The following SLC35A3 variants were observed in gnomAD, a reference collection of about 807,000 sequenced individuals.
SLC35A3 encodes the protein UDP-N-acetylglucosamine transporter.
Under a neutral mutation model 39.0 loss-of-function variants are expected in SLC35A3, and 26 were observed. The ratio of observed to expected loss-of-function variants is 0.67; its 90% CI spans 0.49 to 0.92. The LOEUF is 0.92. Ranked by LOEUF, SLC35A3 falls within the 40% of genes least tolerant of loss-of-function variation. The pLI is 0.00. For missense variants in SLC35A3, 299 were observed against 371.6 expected, an observed-to-expected ratio of 0.80 and a Z score of 1.61; for synonymous variants, 135 against 133.1, an observed-to-expected ratio of 1.01 and a Z score of -0.10.
At chr1:99,983,174 G>A (rs1166388266) in intron 1 of SLC35A3, among the ~76,000 whole-genome samples, 1 of 152,112 alleles carries the variant, frequency 6.6e-6, no homozygotes, top group Non-Finnish European at 1.5e-5. Flanking sequence ...AGAATTGTGT[G>A]TGTGTGGGTG....
At position 100,027,818 on chromosome 1, in the gene SLC35A3, CT is replaced by C. The variant is rs1459660410; in HGVS notation, c.*5343del. 7.3e-5 allele frequency: 11 copies of C among 151,720 alleles called. No homozygotes were observed. Among genetic ancestry groups the C allele is most frequent in the African/African-American group, 2.7e-4 (11 of 41,296 alleles). The allele number at this position is 151,720 out of a possible 1,614,324, so 9.4% of individuals were successfully genotyped here. On this transcript the variant is annotated 3_prime_UTR_variant, in exon 8 of 8. Coordinates refer to ENST00000533028, the MANE Select transcript of SLC35A3 (RefSeq NM_012243.3). ...GGCAACCTCTCATGAAAAGCACTAACTAAAAATATTTAATAATCTTTTTTGT... is the reference window on the plus strand; with the variant it reads ...GGCAACCTCTCATGAAAAGCACTAACAAAAATATTTAATAATCTTTTTTGT...
chr1:100,013,348 C>T (rs775683276), intron 5 of SLC35A3, among the ~76,000 whole-genome samples: 1 of 150,388 alleles, frequency 6.6e-6, no homozygotes, highest in Non-Finnish European at 1.5e-5. Context: ...TACAGTGGCT[C>T]ACGCCTGTAA....
Position 100,029,368 on chromosome 1 carries a change from C to G in SLC35A3, c.*6892C>G, listed in dbSNP as rs910945831. On this transcript the variant is annotated 3_prime_UTR_variant, in exon 8 of 8. Coordinates refer to ENST00000533028, the MANE Select transcript of SLC35A3 (RefSeq NM_012243.3). ...AAGACCATTCATCTCTATACACTTC[C>G]TTCTGAATTGATGAGGATGATACAA... 2.6e-5 allele frequency: 4 copies of G among 151,992 alleles called. No homozygotes were observed. Among genetic ancestry groups the G allele is most frequent in the African/African-American group, 9.7e-5 (4 of 41,350 alleles). 9.4% of individuals were successfully genotyped at this position (151,992 alleles called of 1,614,324 possible).
At chr1:99,993,847 T>G in intron 2 of SLC35A3, 106 bp downstream of exon 2, 1 of 933,666 alleles carries the variant, frequency 1.1e-6, no homozygotes, top group Non-Finnish European at 1.6e-6. Flanking sequence ...TGGCCTAGTA[T>G]GAAGAATATT....
At chr1:99,996,261 G>A (rs772240519) in intron 2 of SLC35A3, among the ~76,000 whole-genome samples, 5 of 152,128 alleles carry the variant, frequency 3.3e-5, no homozygotes, top group African/African-American at 1.2e-4. Flanking sequence ...ATCAAGTCAA[G>A]TAAGAAGGCA....
chr1:99,986,668 C>A (rs1244428108), intron 1 of SLC35A3, among the ~76,000 whole-genome samples: 1 of 151,996 alleles, frequency 6.6e-6, no homozygotes, highest in African/African-American at 2.4e-5. Flanking sequence ...TGGCTCACTG[C>A]AGCTTTGACT....
intron 7 of SLC35A3, among the ~76,000 whole-genome samples, chr1:100,018,119 A>G (rs1159553156): frequency 6.6e-6 from 1 of 152,216 alleles, no homozygotes; most frequent in Non-Finnish European, 1.5e-5. Flanking sequence ...TAAGTCATGT[A>G]ATGACATTTT....
chr1:99,979,437 T>C (rs939151370), intron 1 of SLC35A3, among the ~76,000 whole-genome samples: 1 of 150,976 alleles, frequency 6.6e-6, no homozygotes, highest in Non-Finnish European at 1.5e-5. Context: ...TTTCTTTTTT[T>C]TTTTTTTTTT....
intron 1 of SLC35A3, among the ~76,000 whole-genome samples, chr1:99,982,003 CTTTT>C (rs549298454): frequency 4.0e-5 from 5 of 125,828 alleles, no homozygotes; most frequent in Admixed American, 8.1e-5. Context: ...AGGATGTATT[CTTTT>C]TTTTTTTTTT....
At chr1:100,015,201 A>G (rs567370198) in intron 5 of SLC35A3, 101 bp from the exon 6 acceptor site, 1 of 1,176,190 alleles carries the variant, frequency 8.5e-7, no homozygotes, top group Admixed American at 3.2e-5. Context: ...TTTTATCAAA[A>G]AGAAAAAGTT....
rs1660739728 is a variant in SLC35A3 at position 100,024,232 on chromosome 1, T to C, written c.*1756T>C. The C allele has an allele frequency of 6.6e-6, 1 of 152,110 alleles. No homozygotes were observed. Among genetic ancestry groups the C allele is most frequent in the Non-Finnish European group, 1.5e-5 (1 of 68,014 alleles). 9.4% of individuals were successfully genotyped at this position (152,110 alleles called of 1,614,324 possible). ...ATGGGTTTAATTTAATTATTAACTA[T>C]AGACAGAATTACTTACTGAGTATAA... On this transcript the variant is annotated 3_prime_UTR_variant, in exon 8 of 8. Transcript: ENST00000533028.
chr1:99,971,532 C>T lies in SLC35A3; in HGVS notation c.-19+1370C>T, dbSNP rs920326806. Reference sequence around the variant, plus strand: ...CCATGTTAGCCAGGATGGTCTCGATCTCCTGACCTCGTGATCCACCCACCT... The same window carrying T: ...CCATGTTAGCCAGGATGGTCTCGATTTCCTGACCTCGTGATCCACCCACCT... On this transcript the variant is annotated intron_variant, in intron 1 of 7. Transcript: ENST00000533028. Among the ~76,000 whole-genome samples, 6 of 152,160 alleles carry T rather than the reference C, an allele frequency of 3.9e-5. 1 individual carries two copies. Among genetic ancestry groups the T allele is most frequent in the Admixed American group, 2.6e-4 (4 of 15,284 alleles).
chr1:100,001,171 G>A (rs763767661), intron 3 of SLC35A3, among the ~76,000 whole-genome samples: 6 of 151,968 alleles, frequency 3.9e-5, no homozygotes, highest in Non-Finnish European at 5.9e-5. Flanking sequence ...TTTGCTCAGG[G>A]TTGCTTTGGC....
At chr1:100,020,128 A>C (rs1660434505) in intron 7 of SLC35A3, among the ~76,000 whole-genome samples, 1 of 152,222 alleles carries the variant, frequency 6.6e-6, no homozygotes, top group Middle Eastern at 3.2e-3. Flanking sequence ...GGAAGTATAC[A>C]TACAATAATT....
chr1:100,011,082 A>C (rs1659596324), intron 4 of SLC35A3, among the ~76,000 whole-genome samples: 1 of 152,182 alleles, frequency 6.6e-6, no homozygotes, highest in South Asian at 2.1e-4. Context: ...AATAAATTAA[A>C]CTTTAAGGAA....
chr1:99,972,628 G>A (rs899960246), intron 1 of SLC35A3, among the ~76,000 whole-genome samples: 4 of 151,974 alleles, frequency 2.6e-5, no homozygotes, highest in Admixed American at 1.3e-4. Context: ...GAGCCACCGC[G>A]CCCAGCCTGT....
chr1:99,982,241 TCC>T (rs976356337), intron 1 of SLC35A3, among the ~76,000 whole-genome samples: 4 of 152,088 alleles, frequency 2.6e-5, no homozygotes, highest in African/African-American at 9.7e-5. Context: ...GCTCAGGCAA[TCC>T]GCCCACCTCG....
In SLC35A3 at chr1:100,028,191, G is replaced by T. The variant is rs570772161; in HGVS notation, c.*5715G>T. ...TGACCTCAGGTGATCCGCCTGCCTC[G>T]GCCTCCCAAAGTGCTGGGTTTACAG... On this transcript the variant is annotated 3_prime_UTR_variant, in exon 8 of 8. Transcript: ENST00000533028. 1 of 152,322 alleles carries T rather than the reference G, an allele frequency of 6.6e-6. No individual in the cohort carries two copies. Among genetic ancestry groups the T allele is most frequent in the East Asian group, 1.9e-4 (1 of 5,176 alleles). The allele number at this position is 152,322 out of a possible 1,614,324, so 9.4% of individuals were successfully genotyped here.
At chr1:100,014,975 A>G (rs1659960430) in intron 5 of SLC35A3, among the ~76,000 whole-genome samples, 1 of 151,932 alleles carries the variant, frequency 6.6e-6, no homozygotes, top group Non-Finnish European at 1.5e-5. Context: ...TGGCTAACAC[A>G]GTGAAACCCC....
Sources: allele counts gnomAD v4.1 joint callset (sites outside exome capture counted in the v4.1 genomes callset), GRCh38; gene constraint gnomAD v4.1.1; transcripts MANE v1.5; gene names NCBI Gene and HGNC (gene_info 2026-07-23, HGNC 2026-07-21).